The following PHKA2 variants were observed in gnomAD, a reference collection of about 807,000 sequenced individuals.
PHKA2 encodes phosphorylase kinase regulatory subunit alpha 2.
A neutral mutation model predicts 102.0 loss-of-function variants in PHKA2; 31 were observed. That is an observed-to-expected ratio of 0.30 (90% confidence interval 0.23 to 0.41). The LOEUF is 0.41. Ranked by LOEUF, PHKA2 falls within the 10% of genes least tolerant of loss-of-function variation. PHKA2 has a pLI of 1.00. For synonymous variants in PHKA2, 455 were observed against 416.2 expected, an observed-to-expected ratio of 1.09 and a Z score of -1.13; for missense variants, 858 against 1,023.1, an observed-to-expected ratio of 0.84 and a Z score of 2.20.
At chrX:18,977,979 T>C (rs752202679) in intron 1 of PHKA2, among the ~76,000 whole-genome samples, 1 of 111,798 alleles carries the variant, frequency 8.9e-6, no homozygotes, top group African/African-American at 3.2e-5. Context: ...CTGGCCAACA[T>C]GGCGAAACCC....
At chrX:18,908,706 G>C in intron 21 of PHKA2, 95 bp downstream of exon 21, 1 of 807,489 alleles carries the variant, frequency 1.2e-6, no homozygotes, top group Non-Finnish European at 1.9e-6. Context: ...CAACTTCCCA[G>C]CCTCCGGAAC....
intron 1 of PHKA2, among the ~76,000 whole-genome samples, chrX:18,982,628 G>A (rs1352970521): frequency 9.0e-6 from 1 of 111,630 alleles, no homozygotes; most frequent in Non-Finnish European, 1.9e-5. Context: ...GAAGTCAGGA[G>A]GTCGAGACCA....
chrX:18,897,146 C>T lies in PHKA2; in HGVS notation c.3282+17G>A. 7 of 1,209,835 alleles carry T rather than the reference C, an allele frequency of 5.8e-6. No homozygotes were observed. The highest frequency in any genetic ancestry group is 6.7e-6 in the Non-Finnish European group (6 of 893,956). On this transcript the variant is annotated intron_variant, in intron 30 of 32. Coordinates refer to ENST00000379942, the MANE Select transcript of PHKA2 (RefSeq NM_000292.3). The stretch of plus-strand genomic sequence containing the variant: ...AGGGGACGGTTCACTTCCCCAGGAG[C>T]TCGCGTCTCGGCTTACCTTCTGGAG...
At chrX:18,903,001 C>T (rs2047726576) in intron 26 of PHKA2, 1 of 112,351 alleles carries the variant, frequency 8.9e-6, no homozygotes, top group African/African-American at 3.2e-5. Flanking sequence ...CACTGAACTA[C>T]AGAAGCTAGA....
At chrX:18,970,172 G>A (rs1427959303) in intron 1 of PHKA2, among the ~76,000 whole-genome samples, 3 of 112,362 alleles carry the variant, frequency 2.7e-5, no homozygotes, top group Non-Finnish European at 5.6e-5. Context: ...CTGGGAGGTT[G>A]AGGCTACAAA....
Position 18,938,657 on chromosome X carries a change from T to C in PHKA2, c.1011A>G (p.Ile337Met). ...EWPVFWTYFIIDGVFSGDAVQ... is the reference protein window; with the variant it reads ...EWPVFWTYFIMDGVFSGDAVQ... ...CAGCATCACCACTGAAGACTCCATCTATTATAAAATATGTCCAAAACACAG... is the reference window on the plus strand; with the variant it reads ...CAGCATCACCACTGAAGACTCCATCCATTATAAAATATGTCCAAAACACAG... The change falls in exon 10 of 33, where the codon ATA (isoleucine) becomes ATG (methionine). Residue 337 changes from isoleucine (I) to methionine (M), a missense_variant. This residue lies in a region of PHKA2 where 671 missense variants were observed against 745.2 expected (regional missense o/e 0.90). Transcript: ENST00000379942. The C allele has an allele frequency of 3.3e-6, 4 of 1,203,421 alleles. No homozygotes were observed. The highest frequency in any genetic ancestry group is 4.5e-6 in the Non-Finnish European group (4 of 887,584).
intron 1 of PHKA2, among the ~76,000 whole-genome samples, chrX:18,977,834 A>G (rs2049111141): frequency 8.9e-6 from 1 of 111,989 alleles, no homozygotes; most frequent in Non-Finnish European, 1.9e-5. Context: ...CTTACAAATG[A>G]CACACACCTT....
In PHKA2 at chrX:18,957,738, T is replaced by TTATATATATATATATATATATA. The variant is rs748964864; in HGVS notation, c.79-3348_79-3327dup. Reference sequence around the variant, plus strand: ...TTTCCTATGTGTTACTAAAACCAGATTATATATATATATATATATATAATT... The same window carrying TTATATATATATATATATATATA: ...TTTCCTATGTGTTACTAAAACCAGATTATATATATATATATATATATATATATATATATATATATATATAATT... On this transcript the variant is annotated intron_variant, in intron 1 of 32. Transcript: ENST00000379942. Among the ~76,000 whole-genome samples, 335 of 94,971 alleles carry TTATATATATATATATATATATA rather than the reference T, an allele frequency of 3.5e-3. 5 individuals are homozygous for TTATATATATATATATATATATA. The highest frequency in any genetic ancestry group is 0.014 in the African/African-American group (316 of 22,608). The allele number at this position is 94,971 out of a possible 115,157, so 82.5% of individuals were successfully genotyped here. A position where few individuals can be genotyped will look rare whatever the true frequency, so the allele number is the denominator to read the frequency against.
chrX:18,977,667 T>C (rs993372909), intron 1 of PHKA2, among the ~76,000 whole-genome samples: 1 of 111,179 alleles, frequency 9.0e-6, no homozygotes, highest in Non-Finnish European at 1.9e-5. Flanking sequence ...ATCCCTAATA[T>C]AATTTTTAAA....
intron 32 of PHKA2, 178 bp downstream of exon 32, chrX:18,894,026 A>C (rs2047482715): frequency 2.0e-6 from 1 of 499,397 alleles, no homozygotes. Context: ...CCATCCCCAA[A>C]GGTCTTGAGA....
intron 2 of PHKA2, among the ~76,000 whole-genome samples, chrX:18,953,994 A>G: frequency 9.0e-6 from 1 of 111,429 alleles, no homozygotes; most frequent in East Asian, 2.8e-4. Context: ...TCAAAAAAAA[A>G]AGAAATGTGG....
intron 1 of PHKA2, among the ~76,000 whole-genome samples, chrX:18,977,808 G>T: frequency 8.9e-6 from 1 of 111,806 alleles, no homozygotes; most frequent in South Asian, 3.7e-4. Flanking sequence ...AGTATCCTAT[G>T]TTTTAGGTTT....
chrX:18,945,565 C>T (rs1164150649), intron 5 of PHKA2, among the ~76,000 whole-genome samples: 7 of 112,198 alleles, frequency 6.2e-5, no homozygotes, highest in Non-Finnish European at 1.3e-4. Context: ...TGGGTCATAA[C>T]TAGTCAAAGC....
chrX:18,962,386 G>T (rs960873015), intron 1 of PHKA2, among the ~76,000 whole-genome samples: 4 of 111,856 alleles, frequency 3.6e-5, no homozygotes, highest in African/African-American at 1.3e-4. Flanking sequence ...ATTCAACAAG[G>T]ATTTGTACAT....
At chrX:18,909,830 C>T (rs1242445904) in intron 20 of PHKA2, among the ~76,000 whole-genome samples, 1 of 112,438 alleles carries the variant, frequency 8.9e-6, no homozygotes, top group African/African-American at 3.2e-5. Flanking sequence ...AGCCGAAAAG[C>T]CCTCACAAGA....
At position 18,899,208 on chromosome X, in the gene PHKA2, C is replaced by T; in HGVS notation, c.3076G>A (p.Ala1026Thr). ...GAGGAATGCGCACTGCTGGACGCGG[C>T]CTGGCCCACAGAAAAGAACTACAAA... ...ADEQFFSVGQ[A>T]ASSSAHSSKS... Residue 1026 changes from alanine (A) to threonine (T), a missense_variant, in exon 29 of 33, where the codon GCC (alanine) becomes ACC (threonine). Coordinates refer to ENST00000379942, the MANE Select transcript of PHKA2 (RefSeq NM_000292.3). 3 of 1,209,745 alleles carry T rather than the reference C, an allele frequency of 2.5e-6. No individual in the cohort carries two copies. Among genetic ancestry groups the T allele is most frequent in the Non-Finnish European group, 3.4e-6 (3 of 893,700 alleles).
chrX:18,952,455 A>T, intron 3 of PHKA2, 39 bp downstream of exon 3: 3 of 1,139,186 alleles, frequency 2.6e-6, no homozygotes, highest in Non-Finnish European at 3.6e-6. Context: ...AATGACATGG[A>T]ATGCCCACTT....
chrX:18,951,992 T>C (rs1418833339), intron 3 of PHKA2, among the ~76,000 whole-genome samples: 2 of 108,715 alleles, frequency 1.8e-5, no homozygotes, highest in Non-Finnish European at 3.8e-5. Flanking sequence ...TCAAAAGAGA[T>C]TCTCAGAAAC....
rs1322335888 is a variant in PHKA2 at position 18,945,273 on chromosome X, C to T, written c.538-115G>A. On this transcript the variant is annotated intron_variant, in intron 5 of 32. Transcript: ENST00000379942. ...ACACTGAAACATAAGTGGATCTTCT[C>T]GGAGGCTTTGTAGACTCATACTGTG... 5 of 507,166 alleles carry T rather than the reference C, an allele frequency of 9.9e-6. No homozygotes were observed. In the East Asian group the frequency reaches 1.4e-4, roughly 15 times the overall value. The allele number at this position is 507,166 out of a possible 1,213,427, so 41.8% of individuals were successfully genotyped here. A position where few individuals can be genotyped will look rare whatever the true frequency, so the allele number is the denominator to read the frequency against.
Sources: allele counts gnomAD v4.1 joint callset (sites outside exome capture counted in the v4.1 genomes callset), GRCh38; gene constraint gnomAD v4.1.1; regional missense constraint gnomAD v4.1.1; transcripts MANE v1.5; gene names NCBI Gene and HGNC (gene_info 2026-07-23, HGNC 2026-07-21).